Variants in RBM24 observed in about 807,000 individuals in gnomAD.
The protein encoded by RBM24 is RNA-binding protein 24.
RBM24 carries 5 observed loss-of-function variants against 23.6 expected under a neutral mutation model. The ratio of observed to expected loss-of-function variants is 0.21; its 90% CI spans 0.11 to 0.45. RBM24 has a LOEUF of 0.45. Ranked by LOEUF, RBM24 falls within the 20% of genes least tolerant of loss-of-function variation. RBM24 has a pLI of 0.99. For missense variants in RBM24, 252 were observed against 314.6 expected, an observed-to-expected ratio of 0.80 and a Z score of 1.51; for synonymous variants, 151 against 129.5, an observed-to-expected ratio of 1.17 and a Z score of -1.13.
chr6:17,285,731 A>G (rs573277489), intron 3 of RBM24, among the ~76,000 whole-genome samples: 1 of 152,190 alleles, frequency 6.6e-6, no homozygotes, highest in East Asian at 1.9e-4. Context: ...ACCTGTTCAT[A>G]TTTATGTTGT....
Position 17,291,742 on chromosome 6 carries a change from C to A in RBM24, c.348-14C>A, listed in dbSNP as rs777561973. 8.2e-6 allele frequency: 13 copies of A among 1,589,718 alleles called. 1 individual carries two copies. The South Asian group carries it at 1.5e-4, about 18-fold the overall frequency. ...GGTGACTACCGCCTGACTTTGTTTT[C>A]CATTTCTCAACAGGATACCTGCCCA... is the stretch of plus-strand genomic sequence containing the variant. On this transcript the variant is annotated splice_polypyrimidine_tract_variant and intron_variant, in intron 3 of 3. Coordinates refer to ENST00000379052, the MANE Select transcript of RBM24 (RefSeq NM_001143942.2).
intron 3 of RBM24, chr6:17,288,280 A>G (rs1760255236): frequency 1.0e-6 from 1 of 985,430 alleles, no homozygotes; most frequent in Non-Finnish European, 1.2e-6. Context: ...GATAAGCACC[A>G]AGAAGGGCTG....
intron 3 of RBM24, chr6:17,289,042 G>C: frequency 1.0e-6 from 1 of 985,364 alleles, no homozygotes; most frequent in South Asian, 4.7e-5. Flanking sequence ...CTGAAGAGAT[G>C]GGAAGAAAAG....
rs1348925744 is a variant in RBM24, at chr6:17,293,395, A to G, written c.*1276A>G. ...TGTTGACTTGGATTTATTTAAATTC[A>G]TATGTGCACTGTATAAGAGAGTACT... On this transcript the variant is annotated 3_prime_UTR_variant, in exon 4 of 4. Transcript: ENST00000379052. 1 of 152,634 alleles carries G rather than the reference A, an allele frequency of 6.6e-6. No individual in the cohort carries two copies. The highest frequency in any genetic ancestry group is 1.5e-5 in the Non-Finnish European group (1 of 68,028). 9.5% of individuals were successfully genotyped at this position (152,634 alleles called of 1,614,324 possible).
chr6:17,285,795 C>T (rs1042578003), intron 3 of RBM24, among the ~76,000 whole-genome samples: 2 of 152,096 alleles, frequency 1.3e-5, no homozygotes, highest in African/African-American at 4.8e-5. Context: ...ATTTCTCTTC[C>T]TTTCAGAGGT....
rs911197055 is a variant in RBM24, at chr6:17,281,978, G to A, written c.168+229G>A. 2 of 1,370,324 alleles carry A rather than the reference G, an allele frequency of 1.5e-6. No individual in the cohort carries two copies. Among genetic ancestry groups the A allele is most frequent in the African/African-American group, 2.9e-5 (2 of 67,990 alleles). The allele number at this position is 1,370,324 out of a possible 1,614,324, so 84.9% of individuals were successfully genotyped here. A position where few individuals can be genotyped will look rare whatever the true frequency, so the allele number is the denominator to read the frequency against. Reference sequence around the variant, plus strand: ...GCTGTGCGAGGTCGGGGGCCGGGCAGGGCAGAGCAGGGGTGAAAGGAGAGA... The same window carrying A: ...GCTGTGCGAGGTCGGGGGCCGGGCAAGGCAGAGCAGGGGTGAAAGGAGAGA... On this transcript the variant is annotated intron_variant, in intron 1 of 3. Coordinates refer to ENST00000379052, the MANE Select transcript of RBM24 (RefSeq NM_001143942.2). This position sits in a 1 kb window ranked among gnomAD's most constrained non-coding sequence, Gnocchi z 7.1.
Position 17,281,771 on chromosome 6 carries a change from T to A in RBM24, c.168+22T>A. The A allele has an allele frequency of 6.5e-7, 1 of 1,544,066 alleles. No individual in the cohort carries two copies. The highest frequency in any genetic ancestry group is 8.7e-7 in the Non-Finnish European group (1 of 1,143,726). The stretch of plus-strand genomic sequence containing the variant: ...ATTTGTAAGTTGCACGGACTGGGGG[T>A]GACGGGGAGGGACGGAGTGGCGGCT... On this transcript the variant is annotated intron_variant, in intron 1 of 3. Transcript: ENST00000379052. The surrounding 1 kb of genome is among the most constrained non-coding windows in gnomAD (Gnocchi z 7.1).
At chr6:17,286,856 T>C (rs1006570239) in intron 3 of RBM24, among the ~76,000 whole-genome samples, 4 of 152,200 alleles carry the variant, frequency 2.6e-5, no homozygotes, top group Non-Finnish European at 5.9e-5. Context: ...GAGCTGGGCA[T>C]AGGAATTTGG....
intron 1 of RBM24, chr6:17,282,356 T>G: frequency 2.5e-6 from 2 of 811,774 alleles, no homozygotes; most frequent in South Asian, 1.4e-5. Context: ...CAATAGCTAT[T>G]GTCGTTGGGG....
chr6:17,286,206 T>TA (rs1561735148), intron 3 of RBM24, among the ~76,000 whole-genome samples: 5 of 151,172 alleles, frequency 3.3e-5, no homozygotes, highest in African/African-American at 1.2e-4. Flanking sequence ...TTTTTTTTTT[T>TA]AGCTGTGGAA....
At chr6:17,289,846 G>C in intron 3 of RBM24, 6 of 1,137,942 alleles carry the variant, frequency 5.3e-6, no homozygotes, top group Non-Finnish European at 6.6e-6. Flanking sequence ...GGCTCTCTTA[G>C]CCGTGTCTAC....
chr6:17,282,544 T>G, intron 1 of RBM24: 1 of 534,428 alleles, frequency 1.9e-6, no homozygotes, highest in Non-Finnish European at 3.3e-6. Context: ...ACCCTTAAGA[T>G]TTCGGCGGTG....
chr6:17,291,978 T>C lies in RBM24; in HGVS notation c.570T>C (p.Ala190=), dbSNP rs767228096. The change falls in exon 4 of 4, where the codon GCT becomes GCC. Residue 190 remains alanine, a synonymous_variant. Coordinates refer to ENST00000379052, the MANE Select transcript of RBM24 (RefSeq NM_001143942.2). The part of the protein sequence containing the change: ...ASPAAAGYVT[A]GGYGYAVQQP... ...CAGCTGCTGCAGGATATGTTACTGC[T>C]GGGGGCTATGGCTACGCAGTCCAGC... 1.2e-6 allele frequency: 2 copies of C among 1,610,288 alleles called. No homozygotes were observed. Among genetic ancestry groups the C allele is most frequent in the South Asian group, 2.2e-5 (2 of 91,028 alleles).
intron 3 of RBM24, among the ~76,000 whole-genome samples, chr6:17,287,465 T>C (rs988538549): frequency 6.6e-6 from 1 of 152,178 alleles, no homozygotes; most frequent in African/African-American, 2.4e-5. Context: ...CATTTCCTTA[T>C]TGAAACCTTG....
intron 3 of RBM24, among the ~76,000 whole-genome samples, chr6:17,285,540 C>G (rs1003214631): frequency 1.3e-5 from 2 of 151,948 alleles, no homozygotes; most frequent in African/African-American, 4.8e-5. Context: ...CTTGCATGTC[C>G]TAAGTTTCTG....
At chr6:17,284,022 A>T (rs1203120339) in intron 2 of RBM24, among the ~76,000 whole-genome samples, 1 of 152,194 alleles carries the variant, frequency 6.6e-6, no homozygotes, top group African/African-American at 2.4e-5. Flanking sequence ...GTTTGATTAA[A>T]TCATATACTC....
rs561309769 is a variant in RBM24, at chr6:17,291,248, C to T, written c.348-508C>T. On this transcript the variant is annotated intron_variant, in intron 3 of 3. Transcript: ENST00000379052. ...TAGGGTTGCCATGATAATAAACATA[C>T]GGATTTTGTTAACGTTTATGTTAAT... Among the ~76,000 whole-genome samples, 11 of 147,032 alleles carry T rather than the reference C, an allele frequency of 7.5e-5. No individual in the cohort carries two copies. In the South Asian group the frequency reaches 1.0e-3, roughly 14 times the overall value.
intron 1 of RBM24, chr6:17,282,455 G>C (rs1760053494): frequency 4.1e-6 from 2 of 485,278 alleles, no homozygotes; most frequent in African/African-American, 4.0e-5. Flanking sequence ...TAGGGACCTG[G>C]GGGGCGGGGG....
At chr6:17,288,153 T>G (rs1760252433) in intron 3 of RBM24, 1 of 694,512 alleles carries the variant, frequency 1.4e-6, no homozygotes, top group Non-Finnish European at 1.8e-6. Context: ...TGTTAGAGGC[T>G]GAGTCTAGAT....
Sources: allele counts gnomAD v4.1 joint callset (sites outside exome capture counted in the v4.1 genomes callset), GRCh38; gene constraint gnomAD v4.1.1; non-coding constraint Gnocchi (gnomAD v3.1); transcripts MANE v1.5; gene names NCBI Gene and HGNC (gene_info 2026-07-23, HGNC 2026-07-21).